C1QTNF6: variants seen among roughly 807,000 people sequenced by gnomAD.
C1QTNF6 encodes the protein C1q and TNF related 6.
Under a neutral mutation model 20.7 loss-of-function variants are expected in C1QTNF6, and 17 were observed. The ratio of observed to expected loss-of-function variants is 0.82; its 90% CI spans 0.56 to 1.23. The LOEUF is 1.23. Among genes scored for constraint, C1QTNF6 ranks in the 50% most tolerant of loss-of-function variants. The probability of loss-of-function intolerance (pLI) is 0.00; values close to 1 mark genes in which losing one functional copy is unlikely to be tolerated. For synonymous variants in C1QTNF6, 130 were observed against 156.3 expected (o/e 0.83, Z 1.25); for missense variants, 329 against 389.7 (o/e 0.84, Z 1.31).
chr22:37,194,998 A>G (rs1459263365), intron 2 of C1QTNF6, among the ~76,000 whole-genome samples: 1 of 152,248 alleles, frequency 6.6e-6, no homozygotes, highest in Non-Finnish European at 1.5e-5. Flanking sequence ...GTCGCTTGTC[A>G]GTAGCAAAGG....
Position 37,182,176 on chromosome 22 carries a change from G to GC in C1QTNF6, c.*11dup. On this transcript the variant is annotated 3_prime_UTR_variant, in exon 3 of 3. Transcript: ENST00000337843. ...CCTGAGCTCTCCAGCCGGGAGGGTG[G>GC]CCCAGAGGCCCTCAGTCGTCCTCGG... 6.2e-7 allele frequency: 1 copy of GC among 1,600,292 alleles called. No individual in the cohort carries two copies. The highest frequency in any genetic ancestry group is 8.5e-7 in the Non-Finnish European group (1 of 1,171,882).
At chr22:37,187,100 C>A (rs767018769) in intron 1 of C1QTNF6, among the ~76,000 whole-genome samples, 1 of 152,048 alleles carries the variant, frequency 6.6e-6, no homozygotes, top group Non-Finnish European at 1.5e-5. Context: ...GGAGCCCTGC[C>A]CCCCACCCCC....
At chr22:37,195,431 T>C (rs1386142295) in exon 2 of C1QTNF6, 1 of 152,120 alleles carries the variant, frequency 6.6e-6, no homozygotes, top group East Asian at 1.9e-4. Flanking sequence ...GTTGAGGGTG[T>C]TTTCTGGTAT....
At chr22:37,188,092 G>A (rs1924535555) in intron 1 of C1QTNF6, 71 bp downstream of exon 1, 8 of 1,497,216 alleles carry the variant, frequency 5.3e-6, no homozygotes, top group Non-Finnish European at 7.3e-6. Flanking sequence ...CTTCCAGGAA[G>A]CAAGGAGGGA....
upstream of C1QTNF6, chr22:37,190,917 G>T (rs918598882): frequency 6.6e-6 from 1 of 152,046 alleles, no homozygotes; most frequent in African/African-American, 2.4e-5. Flanking sequence ...AAGAAGGGGG[G>T]GTTTCTTGAC....
At chr22:37,187,814 G>A (rs1314212979) in intron 1 of C1QTNF6, among the ~76,000 whole-genome samples, 1 of 152,154 alleles carries the variant, frequency 6.6e-6, no homozygotes, top group Non-Finnish European at 1.5e-5. Flanking sequence ...GTGGGTGCCA[G>A]GCAGGGACCA....
At chr22:37,191,669 C>T (rs1924828806), upstream of C1QTNF6, 1 of 152,180 alleles carries the variant, frequency 6.6e-6, no homozygotes, top group Non-Finnish European at 1.5e-5. Context: ...AACCTTTACT[C>T]ACCGATAAAG....
chr22:37,195,785 T>A (rs894205588), intron 1 of C1QTNF6: 5 of 152,192 alleles, frequency 3.3e-5, no homozygotes, highest in Non-Finnish European at 7.4e-5. Context: ...TGCCATGGCA[T>A]TTGTAAATTG....
Position 37,184,773 on chromosome 22 carries a change from C to T in C1QTNF6, c.289+445G>A, listed in dbSNP as rs985584340. Reference sequence around the variant, plus strand: ...TGTGATCTGAGCCTGGTGCATCTCCCGGCCCTGCCCCAGGGCCCCTGCACC... The same window carrying T: ...TGTGATCTGAGCCTGGTGCATCTCCTGGCCCTGCCCCAGGGCCCCTGCACC... On this transcript the variant is annotated intron_variant, in intron 2 of 2. Transcript: ENST00000337843. This position sits in a 1 kb window ranked among gnomAD's most constrained non-coding sequence, Gnocchi z 4.0. 1.3e-5 allele frequency among the ~76,000 whole-genome samples: 2 copies of T among 152,144 alleles called. No homozygotes were observed. Among genetic ancestry groups the T allele is most frequent in the Non-Finnish European group, 2.9e-5 (2 of 68,008 alleles).
At chr22:37,196,135 T>C (rs1017563541) in intron 1 of C1QTNF6, 1 of 152,336 alleles carries the variant, frequency 6.6e-6, no homozygotes, top group Admixed American at 6.5e-5. Context: ...GCCAAGTCGC[T>C]CCTCTATGCT....
rs1337159519 is a variant in C1QTNF6, at chr22:37,185,377, C to A, written c.130G>T (p.Val44Leu). The A allele has an allele frequency of 1.2e-6, 2 of 1,613,720 alleles. No individual in the cohort carries two copies. Among genetic ancestry groups the A allele is most frequent in the Admixed American group, 3.3e-5 (2 of 59,992 alleles). Residue 44 changes from valine (V) to leucine (L), a missense_variant, in exon 2 of 3, where the codon GTG becomes TTG. By Grantham distance (32) the Val-to-Leu change is conservative. Transcript: ENST00000337843. ...LFLLMCEIPM[V>L]ELTFDRAVAS... ...ACAGCTCTGTCAAAGGTGAGCTCCA[C>A]CATAGGGATCTCACACATCAGGAGA...
chr22:37,188,118 G>T, intron 1 of C1QTNF6, 45 bp downstream of exon 1: 1 of 1,576,668 alleles, frequency 6.3e-7, no homozygotes, highest in Non-Finnish European at 8.6e-7. Flanking sequence ...GGAATTCCAG[G>T]CTCTGACCCC....
chr22:37,191,861 A>C (rs1924842502), upstream of C1QTNF6: 1 of 152,222 alleles, frequency 6.6e-6, no homozygotes, highest in African/African-American at 2.4e-5. Context: ...CCCAATTCAT[A>C]ATAAAGCCTT....
upstream of C1QTNF6, chr22:37,198,211 CT>C: frequency 6.5e-6 from 1 of 152,672 alleles, no homozygotes; most frequent in Non-Finnish European, 1.5e-5. Flanking sequence ...ACTCCCCACC[CT>C]TTCCCCTGCC....
At chr22:37,185,042 G>T (rs550430516) in intron 2 of C1QTNF6, among the ~76,000 whole-genome samples, 176 bp downstream of exon 2, 63 of 151,998 alleles carry the variant, frequency 4.1e-4, no homozygotes, top group African/African-American at 1.5e-3. Flanking sequence ...AGGCATCTTG[G>T]TCTGGTTTGT....
upstream of C1QTNF6, among the ~76,000 whole-genome samples, chr22:37,189,238 G>A (rs1487540506): frequency 3.9e-5 from 6 of 152,192 alleles, no homozygotes; most frequent in Non-Finnish European, 8.8e-5. Context: ...CAATAAGGAT[G>A]ACCAGATGTC....
Position 37,185,291 on chromosome 22 carries a change from G to A in C1QTNF6, c.216C>T (p.Ser72=). 6.2e-7 allele frequency: 1 copy of A among 1,612,660 alleles called. No homozygotes were observed. Among genetic ancestry groups the A allele is most frequent in the Non-Finnish European group, 8.5e-7 (1 of 1,179,278 alleles). The change falls in exon 2 of 3, where the codon TCC becomes TCT. Residue 72 remains serine (S), a synonymous_variant. Coordinates refer to ENST00000337843, the MANE Select transcript of C1QTNF6 (RefSeq NM_031910.4). ...GGGGGCGGCCGGAGGAAGAGGCTGAGGATACATGGGCAGGATCCAGGGGGT... is the reference window on the plus strand; with the variant it reads ...GGGGGCGGCCGGAGGAAGAGGCTGAAGATACATGGGCAGGATCCAGGGGGT... ...SEDPLDPAHV[S]SASSSGRPHA...
At chr22:37,186,626 G>A (rs1039376690) in intron 1 of C1QTNF6, among the ~76,000 whole-genome samples, 1 of 152,196 alleles carries the variant, frequency 6.6e-6, no homozygotes, top group Admixed American at 6.5e-5. Context: ...GACACCAGGC[G>A]CTAGAGACAG....
chr22:37,187,348 C>T (rs1305483968), intron 1 of C1QTNF6, among the ~76,000 whole-genome samples: 3 of 152,082 alleles, frequency 2.0e-5, no homozygotes, highest in African/African-American at 7.2e-5. Context: ...CCCAAAATTC[C>T]CTTCTTTTTC....
Sources: allele counts gnomAD v4.1 joint callset (sites outside exome capture counted in the v4.1 genomes callset), GRCh38; gene constraint gnomAD v4.1.1; non-coding constraint Gnocchi (gnomAD v3.1); transcripts MANE v1.5; gene names NCBI Gene and HGNC (gene_info 2026-07-23, HGNC 2026-07-21).